GPC6: variants seen among roughly 807,000 people sequenced by gnomAD.
GPC6 encodes the protein glypican 6, also known as glypican-6.
Under a neutral mutation model 55.2 loss-of-function variants are expected in GPC6, and 14 were observed. The observed-to-expected ratio is 0.25, with a 90% CI of 0.17 to 0.40. The LOEUF (loss-of-function observed/expected upper bound fraction) is 0.40. Ranked by LOEUF, GPC6 falls within the 10% of genes least tolerant of loss-of-function variation. GPC6 has a pLI of 1.00. For missense variants in GPC6, 641 were observed against 708.5 expected (o/e 0.90, Z 1.08); for synonymous variants, 278 against 259.6 (o/e 1.07, Z -0.68).
intron 2 of GPC6, among the ~76,000 whole-genome samples, chr13:93,591,527 T>C (rs1401629223): frequency 1.3e-5 from 2 of 152,016 alleles, no homozygotes; most frequent in African/African-American, 2.4e-5. Flanking sequence ...GGATAAAATG[T>C]GTAACTTTTG....
At position 94,065,350 on chromosome 13, in the gene GPC6, A is replaced by C. The variant is rs570116488; in HGVS notation, c.877+37456A>C. Among the ~76,000 whole-genome samples the C allele has an allele frequency of 4.5e-4, 69 of 152,318 alleles. 1 individual carries two copies. The highest frequency in any genetic ancestry group is 1.6e-3 in the African/African-American group (67 of 41,566). On this transcript the variant is annotated intron_variant, in intron 4 of 8. Transcript: ENST00000377047. The stretch of plus-strand genomic sequence containing the variant: ...CACTCAGTGCTCACTCTATGATGAG[A>C]GTATGCTGCAGAGCCCTGAGATGAA...
intron 4 of GPC6, among the ~76,000 whole-genome samples, chr13:94,075,233 G>A (rs186056534): frequency 2.3e-4 from 35 of 152,258 alleles, no homozygotes; most frequent in Non-Finnish European, 4.3e-4. Context: ...GTGTATGTGC[G>A]TGTGCACGTG....
chr13:93,632,826 A>C (rs1879520241), intron 2 of GPC6, among the ~76,000 whole-genome samples: 1 of 151,958 alleles, frequency 6.6e-6, no homozygotes, highest in Non-Finnish European at 1.5e-5. Flanking sequence ...GGCTAAATGC[A>C]AAATCATTTA....
At chr13:94,031,152 A>C (rs1594680380) in intron 4 of GPC6, among the ~76,000 whole-genome samples, 1 of 151,774 alleles carries the variant, frequency 6.6e-6, no homozygotes, top group East Asian at 1.9e-4. Context: ...TCAGGAGTCT[A>C]TTTAGGATGC....
chr13:94,355,170 C>T (rs549887409), intron 6 of GPC6, among the ~76,000 whole-genome samples: 1 of 152,034 alleles, frequency 6.6e-6, no homozygotes, highest in African/African-American at 2.4e-5. Flanking sequence ...ATTACAGGCA[C>T]CCACCACCAC....
At chr13:94,038,293 G>A (rs546523649) in intron 4 of GPC6, among the ~76,000 whole-genome samples, 4 of 151,826 alleles carry the variant, frequency 2.6e-5, no homozygotes, top group Admixed American at 2.6e-4. Context: ...GCTTGACATG[G>A]CTCAACCTCT....
chr13:93,949,119 C>T (rs577437812), intron 3 of GPC6, among the ~76,000 whole-genome samples: 6 of 152,160 alleles, frequency 3.9e-5, no homozygotes, highest in African/African-American at 1.4e-4. Context: ...GTGGCAAAGG[C>T]ACTCTCCCTG....
intron 1 of GPC6, among the ~76,000 whole-genome samples, chr13:93,525,840 T>C (rs1198799428): frequency 2.0e-5 from 3 of 152,080 alleles, no homozygotes; most frequent in Non-Finnish European, 2.9e-5. Flanking sequence ...TGTAAAGTGA[T>C]TGTGAATAAA....
At position 94,028,224 on chromosome 13, in the gene GPC6, C is replaced by T. The variant is rs146672072; in HGVS notation, c.877+330C>T. The stretch of plus-strand genomic sequence containing the variant: ...AGGCTACAGTGAGCTGTGATTGCGC[C>T]ACTGCACTCCAGCCTGGGTGACAGA... On this transcript the variant is annotated intron_variant, in intron 4 of 8. Transcript: ENST00000377047. 2.7e-3 allele frequency among the ~76,000 whole-genome samples: 403 copies of T among 151,862 alleles called. 3 individuals are homozygous for T. The highest frequency in any genetic ancestry group is 9.6e-3 in the African/African-American group (395 of 41,356).
At chr13:93,563,449 A>T (rs778267797) in intron 2 of GPC6, among the ~76,000 whole-genome samples, 14 of 152,000 alleles carry the variant, frequency 9.2e-5, no homozygotes, top group Non-Finnish European at 1.3e-4. Flanking sequence ...ATGCACACAG[A>T]TACAAATGAC....
chr13:94,138,561 C>T (rs1887264579), intron 4 of GPC6, among the ~76,000 whole-genome samples: 2 of 152,282 alleles, frequency 1.3e-5, no homozygotes, highest in South Asian at 4.1e-4. Context: ...ATCTTTTCAG[C>T]CACAAAAGTT....
At chr13:94,158,760 T>C (rs1888049186) in intron 4 of GPC6, among the ~76,000 whole-genome samples, 1 of 152,180 alleles carries the variant, frequency 6.6e-6, no homozygotes, top group Non-Finnish European at 1.5e-5. Context: ...GTGAAGATCA[T>C]ACAAGTAGTT....
At chr13:94,281,977 T>C (rs1205967832) in intron 4 of GPC6, among the ~76,000 whole-genome samples, 3 of 152,210 alleles carry the variant, frequency 2.0e-5, no homozygotes, top group African/African-American at 7.2e-5. Context: ...TGTTAAATAT[T>C]AATTGGCTAG....
intron 2 of GPC6, among the ~76,000 whole-genome samples, chr13:93,820,671 G>GT (rs371044734): frequency 0.016 from 2,287 of 144,660 alleles, 16 homozygotes; most frequent in South Asian, 0.026. Context: ...TCAAAGTAGG[G>GT]TTTTTTTTTT....
intron 2 of GPC6, among the ~76,000 whole-genome samples, chr13:93,547,314 C>G (rs891460784): frequency 6.6e-6 from 1 of 152,184 alleles, no homozygotes; most frequent in Non-Finnish European, 1.5e-5. Context: ...CCAGTACACT[C>G]CAGCCTGGGC....
intron 2 of GPC6, among the ~76,000 whole-genome samples, chr13:93,707,553 C>T (rs568869165): frequency 6.6e-6 from 1 of 151,692 alleles, no homozygotes; most frequent in South Asian, 2.1e-4. Flanking sequence ...TCTCCTGTCC[C>T]CATCAAGGCA....
chr13:93,553,371 G>C (rs536895462), intron 2 of GPC6, among the ~76,000 whole-genome samples: 1 of 152,218 alleles, frequency 6.6e-6, no homozygotes, highest in East Asian at 1.9e-4. Flanking sequence ...ACCATGTCCT[G>C]ATGGAATACT....
At chr13:94,009,264 C>T (rs1882144959) in intron 3 of GPC6, among the ~76,000 whole-genome samples, 1 of 152,118 alleles carries the variant, frequency 6.6e-6, no homozygotes, top group South Asian at 2.1e-4. Flanking sequence ...AAATGGTTCA[C>T]TTGGAATAAA....
chr13:93,350,386 A>G (rs1420387759), intron 1 of GPC6, among the ~76,000 whole-genome samples: 1 of 152,148 alleles, frequency 6.6e-6, no homozygotes, highest in Non-Finnish European at 1.5e-5. Flanking sequence ...GTGAGCCAAG[A>G]TCATGCCACT....
Sources: allele counts gnomAD v4.1 joint callset (sites outside exome capture counted in the v4.1 genomes callset), GRCh38; gene constraint gnomAD v4.1.1; transcripts MANE v1.5; gene names NCBI Gene and HGNC (gene_info 2026-07-23, HGNC 2026-07-21).